The following NCK1 variants were observed in gnomAD, a reference collection of about 807,000 sequenced individuals.
The protein encoded by NCK1 is SH2/SH3 adapter protein NCK1.
NCK1 carries 19 observed loss-of-function variants against 36.6 expected under a neutral mutation model. That is an observed-to-expected ratio of 0.52 (90% CI 0.36 to 0.76). The LOEUF (loss-of-function observed/expected upper bound fraction) is 0.76, where lower values mean the gene tolerates loss of function less well. NCK1 is among the 30% of genes least tolerant of loss of function. NCK1 has a pLI of 0.00. For synonymous variants in NCK1, 165 were observed against 156.0 expected (o/e 1.06, Z -0.43); for missense variants, 358 against 445.6 (o/e 0.80, Z 1.77).
chr3:136,886,832 T>TCC (rs1939085774), intron 1 of NCK1, among the ~76,000 whole-genome samples: 1 of 150,930 alleles, frequency 6.6e-6, no homozygotes, highest in Non-Finnish European at 1.5e-5. Context: ...TTTTTTTTTT[T>TCC]TTTCCTATCT....
intron 1 of NCK1, among the ~76,000 whole-genome samples, chr3:136,868,587 C>G (rs1461781595): frequency 1.3e-5 from 2 of 152,152 alleles, no homozygotes; most frequent in African/African-American, 4.8e-5. Flanking sequence ...TTTGGCCTCC[C>G]AAAGTGCTGG....
intron 2 of NCK1, among the ~76,000 whole-genome samples, chr3:136,944,345 C>T (rs918219528): frequency 6.6e-6 from 1 of 152,044 alleles, no homozygotes; most frequent in Non-Finnish European, 1.5e-5. Context: ...GTCTCGATCT[C>T]TTGAGCTTGT....
intron 2 of NCK1, among the ~76,000 whole-genome samples, chr3:136,937,826 T>TG (rs1481933734): frequency 6.6e-6 from 1 of 152,152 alleles, no homozygotes; most frequent in African/African-American, 2.4e-5. Flanking sequence ...TCTGTGTGAG[T>TG]GTGTGGGTGT....
rs1940939645 is a variant in NCK1 at position 136,950,261 on chromosome 3, AT to A, written c.*1809del. 6.6e-6 allele frequency among the ~76,000 whole-genome samples: 1 copy of A among 152,102 alleles called. No individual in the cohort carries two copies. Among genetic ancestry groups the A allele is most frequent in the African/African-American group, 2.4e-5 (1 of 41,428 alleles). Reference sequence around the variant, plus strand: ...TCCCCCAGTCTTCCTTATGAAAAAAATGTATGTTTGTAAAAAGAGAACAATT... The same window carrying A: ...TCCCCCAGTCTTCCTTATGAAAAAAAGTATGTTTGTAAAAAGAGAACAATT... On this transcript the variant is annotated 3_prime_UTR_variant, in exon 4 of 4. Coordinates refer to ENST00000481752, the MANE Select transcript of NCK1 (RefSeq NM_001291999.2).
rs550341689 is a variant in NCK1 at position 136,911,470 on chromosome 3, T to C, written c.-18-16514T>C. Among the ~76,000 whole-genome samples the C allele has an allele frequency of 2.0e-5, 3 of 152,358 alleles. No individual in the cohort carries two copies. The East Asian group carries it at 5.8e-4, about 29-fold the overall frequency. On this transcript the variant is annotated intron_variant, in intron 1 of 3. Transcript: ENST00000481752. ...GCTAACGGATCTTAGTGTTTTAAATTGCATTTCCCTAATGATTAGTGATGC... is the reference window on the plus strand; with the variant it reads ...GCTAACGGATCTTAGTGTTTTAAATCGCATTTCCCTAATGATTAGTGATGC...
At chr3:136,939,570 TA>T (rs1940617127) in intron 2 of NCK1, among the ~76,000 whole-genome samples, 1 of 152,130 alleles carries the variant, frequency 6.6e-6, no homozygotes, top group South Asian at 2.1e-4. Flanking sequence ...TCTTCTTTTT[TA>T]TGCAAGCTTT....
intron 1 of NCK1, among the ~76,000 whole-genome samples, chr3:136,900,580 G>C (rs1287152545): frequency 6.6e-6 from 1 of 151,970 alleles, no homozygotes; most frequent in Admixed American, 6.6e-5. Context: ...CCATTTGTTT[G>C]TGCCCTCTTT....
At chr3:136,895,045 T>TG (rs1259179547) in intron 1 of NCK1, among the ~76,000 whole-genome samples, 36 of 152,220 alleles carry the variant, frequency 2.4e-4, no homozygotes, top group African/African-American at 8.2e-4. Flanking sequence ...CCAGCTAATT[T>TG]TGTATTTTTA....
intron 1 of NCK1, among the ~76,000 whole-genome samples, chr3:136,926,570 C>T (rs1940245230): frequency 2.0e-5 from 3 of 152,170 alleles, no homozygotes; most frequent in South Asian, 4.2e-4. Flanking sequence ...CCACCGCGCC[C>T]GGCCACTCTT....
intron 1 of NCK1, among the ~76,000 whole-genome samples, chr3:136,885,405 T>G (rs1045926615): frequency 1.3e-5 from 2 of 152,194 alleles, no homozygotes; most frequent in African/African-American, 2.4e-5. Flanking sequence ...TGGAGTACAG[T>G]GGCCTGATAA....
chr3:136,902,184 G>GTT (rs59203615), intron 1 of NCK1, among the ~76,000 whole-genome samples: 58 of 68,170 alleles, frequency 8.5e-4, no homozygotes, highest in African/African-American at 2.2e-3. Context: ...TTAACTCTTT[G>GTT]TTTTTTTTTT....
intron 1 of NCK1, among the ~76,000 whole-genome samples, chr3:136,898,543 A>G (rs1468659746): frequency 3.9e-5 from 6 of 152,252 alleles, no homozygotes; most frequent in Non-Finnish European, 1.5e-5. Flanking sequence ...GACACATGCC[A>G]TAATACAGCA....
chr3:136,910,106 A>G (rs900429321), intron 1 of NCK1, among the ~76,000 whole-genome samples: 2 of 152,014 alleles, frequency 1.3e-5, no homozygotes, highest in Non-Finnish European at 2.9e-5. Flanking sequence ...TTATTTTGCT[A>G]TTTGTTTTCT....
At chr3:136,903,303 A>G (rs778741244) in intron 1 of NCK1, among the ~76,000 whole-genome samples, 3 of 152,188 alleles carry the variant, frequency 2.0e-5, no homozygotes, top group Admixed American at 6.5e-5. Flanking sequence ...TGCATGGAAT[A>G]TCTTTTTCCA....
chr3:136,879,113 T>A (rs1938858328), intron 1 of NCK1, among the ~76,000 whole-genome samples: 1 of 126,008 alleles, frequency 7.9e-6, no homozygotes, highest in African/African-American at 2.9e-5. Context: ...GAAAACAAAC[T>A]GGGAACAATC....
intron 1 of NCK1, among the ~76,000 whole-genome samples, chr3:136,927,709 T>TG (rs1940279146): frequency 6.6e-6 from 1 of 152,144 alleles, no homozygotes; most frequent in South Asian, 2.1e-4. Context: ...TTAGTACAGA[T>TG]GGGGTTTCAC....
intron 1 of NCK1, among the ~76,000 whole-genome samples, chr3:136,907,852 T>G (rs1351464872): frequency 6.6e-6 from 1 of 152,226 alleles, no homozygotes; most frequent in African/African-American, 2.4e-5. Context: ...CCTATTGTCC[T>G]CAGTGCTACA....
In NCK1 at chr3:136,928,186, C is replaced by A. The variant is rs148772850; in HGVS notation, c.185C>A (p.Ala62Asp). ...AACTATGTGGAAAGGAAAAACAGTG[C>A]TCGGAAAGCATCTATTGTGAAAAAC... ...PSNYVERKNSARKASIVKNLK... is the reference protein window; with the variant it reads ...PSNYVERKNSDRKASIVKNLK... Residue 62 changes from alanine to aspartate, a missense_variant, in exon 2 of 4, where the codon GCT (alanine) becomes GAT (aspartate). By Grantham distance (126) the Ala-to-Asp change is moderately radical (BLOSUM62 -2). Around this residue, in one of 3 missense-constraint regions of NCK1, gnomAD observed 143 missense variants for 162.4 expected, o/e 0.88. Transcript: ENST00000481752. The A allele has an allele frequency of 2.9e-4, 473 of 1,614,074 alleles. No individual in the cohort carries two copies. Among genetic ancestry groups the A allele is most frequent in the Non-Finnish European group, 3.8e-4 (444 of 1,180,022 alleles).
intron 1 of NCK1, among the ~76,000 whole-genome samples, chr3:136,927,477 T>C (rs1447119789): frequency 6.6e-6 from 1 of 152,254 alleles, no homozygotes; most frequent in Non-Finnish European, 1.5e-5. Context: ...TTTTGCCCTT[T>C]AAGTTTTGTT....
Sources: allele counts gnomAD v4.1 joint callset (sites outside exome capture counted in the v4.1 genomes callset), GRCh38; gene constraint gnomAD v4.1.1; regional missense constraint gnomAD v4.1.1; transcripts MANE v1.5; gene names NCBI Gene and HGNC (gene_info 2026-07-23, HGNC 2026-07-21).